The following ADGRV1 variants were observed in gnomAD, a reference collection of about 807,000 sequenced individuals.
ADGRV1 encodes the protein G-protein coupled receptor 98.
In ADGRV1, 359 loss-of-function variants were observed where a neutral mutation model predicts 596.2. That is an observed-to-expected ratio of 0.60 (90% confidence interval 0.55 to 0.66). The LOEUF (loss-of-function observed/expected upper bound fraction) is 0.66, where lower values mean the gene tolerates loss of function less well. Ranked by LOEUF, ADGRV1 falls within the 30% of genes least tolerant of loss-of-function variation. The pLI is 0.00. For missense variants in ADGRV1, 7,274 were observed against 7,575.6 expected (o/e 0.96, Z 1.48); for synonymous variants, 2,681 against 2,679.2 (o/e 1.00, Z -0.02).
intron 86 of ADGRV1, among the ~76,000 whole-genome samples, chr5:91,089,343 G>A (rs971289826): frequency 1.3e-5 from 2 of 152,102 alleles, no homozygotes; most frequent in African/African-American, 2.4e-5. Context: ...GTTGGGAAAA[G>A]AGATGCAGTT....
intron 25 of ADGRV1, among the ~76,000 whole-genome samples, chr5:90,679,338 C>A (rs568144197): frequency 8.6e-5 from 13 of 152,028 alleles, no homozygotes; most frequent in Non-Finnish European, 1.8e-4. Flanking sequence ...TGGAGTATTT[C>A]ATGAAACTGA....
intron 89 of ADGRV1, among the ~76,000 whole-genome samples, chr5:91,157,852 G>A (rs929244423): frequency 2.0e-5 from 3 of 152,130 alleles, no homozygotes; most frequent in Non-Finnish European, 2.9e-5. Flanking sequence ...TGTACTCCTT[G>A]AAAAGGCATC....
At chr5:90,734,252 A>G (rs1036558421) in intron 50 of ADGRV1, among the ~76,000 whole-genome samples, 3 of 152,186 alleles carry the variant, frequency 2.0e-5, no homozygotes, top group Admixed American at 1.3e-4. Context: ...TCCCTTTGAC[A>G]TACTGATTTC....
At position 90,694,696 on chromosome 5, in the gene ADGRV1, C is replaced by G; in HGVS notation, c.7940C>G (p.Ala2647Gly). The G allele has an allele frequency of 6.4e-7, 1 of 1,570,792 alleles. No individual in the cohort carries two copies. Among genetic ancestry groups the G allele is most frequent in the African/African-American group, 1.4e-5 (1 of 73,718 alleles). The change falls in exon 33 of 90, where the codon GCT becomes GGT. Residue 2647 changes from alanine to glycine, a missense_variant. By Grantham distance (60) the Ala-to-Gly change is moderately conservative (BLOSUM62 0). Transcript: ENST00000405460. Reference sequence around the variant, plus strand: ...GGTGCTGGAGAGATTCTGACCTTTGCTGAAGGTGAGCAATGGTTCTAAATG... The same window carrying G: ...GGTGCTGGAGAGATTCTGACCTTTGGTGAAGGTGAGCAATGGTTCTAAATG... ...FIGAGEILTF[A>G]EGETKKTVIL...
At chr5:90,657,392 A>G (rs1769561253) in intron 20 of ADGRV1, among the ~76,000 whole-genome samples, 1 of 152,084 alleles carries the variant, frequency 6.6e-6, no homozygotes, top group Non-Finnish European at 1.5e-5. Flanking sequence ...GTGAGCTATT[A>G]ACATGCCATT....
chr5:90,785,250 T>C (rs1437958864), intron 67 of ADGRV1, among the ~76,000 whole-genome samples: 3 of 152,098 alleles, frequency 2.0e-5, no homozygotes, highest in Non-Finnish European at 2.9e-5. Flanking sequence ...AGACAAAAAT[T>C]AATTCAAGAT....
intron 83 of ADGRV1, among the ~76,000 whole-genome samples, chr5:90,883,314 A>T (rs1769971629): frequency 6.6e-6 from 1 of 152,128 alleles, no homozygotes; most frequent in South Asian, 2.1e-4. Flanking sequence ...AGGCCATCGA[A>T]GAGGATTTTT....
intron 76 of ADGRV1, among the ~76,000 whole-genome samples, chr5:90,824,090 ATC>A (rs1478854543): frequency 9.2e-5 from 14 of 151,968 alleles, no homozygotes; most frequent in African/African-American, 3.4e-4. Flanking sequence ...CTTGCATGGT[ATC>A]TCTTTTTTAT....
At chr5:90,827,225 G>C (rs1390540776) in intron 76 of ADGRV1, among the ~76,000 whole-genome samples, 1 of 152,128 alleles carries the variant, frequency 6.6e-6, no homozygotes, top group Admixed American at 6.6e-5. Context: ...AACCTGCTGG[G>C]AATTACACAT....
At chr5:91,109,051 T>G (rs558369126) in intron 87 of ADGRV1, among the ~76,000 whole-genome samples, 58 of 152,336 alleles carry the variant, frequency 3.8e-4, no homozygotes, top group African/African-American at 1.3e-3. Context: ...TAGGAAAATG[T>G]ATGTGTAATA....
intron 78 of ADGRV1, among the ~76,000 whole-genome samples, chr5:90,843,920 A>G (rs1320063391): frequency 2.0e-5 from 3 of 152,224 alleles, no homozygotes; most frequent in African/African-American, 4.8e-5. Context: ...TAATGAGAAT[A>G]ATAAAACAAG....
At chr5:90,625,843 A>G (rs111653093) in intron 6 of ADGRV1, 29,466 of 152,104 alleles carry the variant, frequency 0.19, 3,069 homozygotes, top group East Asian at 0.4. Context: ...CTCGTGATCC[A>G]CCAGCCTCGG....
At chr5:91,081,659 G>A (rs538425320) in intron 86 of ADGRV1, among the ~76,000 whole-genome samples, 4 of 152,044 alleles carry the variant, frequency 2.6e-5, no homozygotes, top group East Asian at 1.9e-4. Flanking sequence ...GGTGGCAGAC[G>A]CCTGTAATCC....
chr5:90,662,762 T>TC (rs915620550), intron 21 of ADGRV1, among the ~76,000 whole-genome samples: 12 of 151,670 alleles, frequency 7.9e-5, no homozygotes, highest in African/African-American at 2.9e-4. Context: ...CCCTTCCCCC[T>TC]CCCCCCACCA....
chr5:90,607,478 T>C (rs1451567813), intron 1 of ADGRV1, among the ~76,000 whole-genome samples: 2 of 152,108 alleles, frequency 1.3e-5, no homozygotes, highest in East Asian at 3.9e-4. Flanking sequence ...GTTTGTGGGT[T>C]AGGATCCCTA....
intron 52 of ADGRV1, among the ~76,000 whole-genome samples, chr5:90,748,039 A>G (rs896434523): frequency 6.6e-6 from 1 of 152,254 alleles, no homozygotes; most frequent in Non-Finnish European, 1.5e-5. Flanking sequence ...AAGGACAGAA[A>G]TAGACCAGTT....
At chr5:90,601,315 A>G (rs752125430) in intron 1 of ADGRV1, among the ~76,000 whole-genome samples, 2 of 152,152 alleles carry the variant, frequency 1.3e-5, no homozygotes, top group East Asian at 3.8e-4. Context: ...ATCTGTGGCA[A>G]TAGGCTTTTT....
At position 90,756,489 on chromosome 5, in the gene ADGRV1, C is replaced by T. The variant is rs1484026064; in HGVS notation, c.11616C>T (p.Val3872=). ...DLPELEEGFI[V]TITEVNLVNS... is the part of the protein sequence containing the mutation. ...CTGAATTGGAGGAAGGATTTATTGT[C>T]ACTATCACTGAGGTGAACCTGGTGA... Residue 3872 remains valine (V), a synonymous_variant, in exon 56 of 90, where the codon GTC becomes GTT. Coordinates refer to ENST00000405460, the MANE Select transcript of ADGRV1 (RefSeq NM_032119.4). 1 of 1,593,218 alleles carries T rather than the reference C, an allele frequency of 6.3e-7. No homozygotes were observed. The highest frequency in any genetic ancestry group is 1.2e-5 in the South Asian group (1 of 86,574).
chr5:90,683,557 A>C (rs769194166), intron 27 of ADGRV1, 29 bp from the exon 28 acceptor site: 2 of 1,501,920 alleles, frequency 1.3e-6, no homozygotes, highest in African/African-American at 1.4e-5. Flanking sequence ...TCTCTCTTTT[A>C]ATAGATTTTA....
Sources: gnomAD v4.1 joint callset for allele counts (sites outside exome capture counted in the v4.1 genomes callset) on GRCh38, gnomAD v4.1.1 for gene constraint, MANE v1.5 for transcripts, NCBI Gene and HGNC (gene_info 2026-07-23, HGNC 2026-07-21) for gene names.